The following MNT variants were observed in gnomAD, a reference collection of about 807,000 sequenced individuals.
MNT encodes max-binding protein MNT.
A neutral mutation model predicts 40.7 loss-of-function variants in MNT; 13 were observed. That is an observed-to-expected ratio of 0.32 (90% CI 0.21 to 0.51). The LOEUF (loss-of-function observed/expected upper bound fraction) is 0.51. Ranked by LOEUF, MNT falls within the 20% of genes least tolerant of loss-of-function variation. The probability of loss-of-function intolerance (pLI) is 0.98; values close to 1 mark genes in which losing one functional copy is unlikely to be tolerated. For synonymous variants in MNT, 426 were observed against 354.8 expected (o/e 1.20, Z -2.26); for missense variants, 757 against 792.0 (o/e 0.96, Z 0.53).
In MNT at chr17:2,387,901, G is replaced by A. The variant is rs202042731; in HGVS notation, c.956C>T (p.Thr319Met). 2.2e-4 allele frequency: 354 copies of A among 1,605,132 alleles called. No individual in the cohort carries two copies. The highest frequency in any genetic ancestry group is 2.7e-4 in the Non-Finnish European group (315 of 1,179,110). Residue 319 changes from threonine (T) to methionine (M), a missense_variant, in exon 5 of 6, where the codon ACG becomes ATG. By Grantham distance (81) the Thr-to-Met change is moderately conservative. Around this residue, in one of 4 missense-constraint regions of MNT, gnomAD observed 345 missense variants for 380.1 expected, o/e 0.91. Transcript: ENST00000174618. The part of the protein sequence containing the change: ...VLEIDRVLRQ[T>M]GQPEDDQAST... ...GGCCTGGTCATCCTCGGGCTGGCCCGTCTGCCGCAGCACGCGGTCAATCTC... is the reference window on the plus strand; with the variant it reads ...GGCCTGGTCATCCTCGGGCTGGCCCATCTGCCGCAGCACGCGGTCAATCTC...
chr17:2,394,273 G>GCACATACA, intron 3 of MNT, 32 bp downstream of exon 3: 1 of 1,351,278 alleles, frequency 7.4e-7, no homozygotes, highest in South Asian at 1.3e-5. Flanking sequence ...GCGCACGCAC[G>GCACATACA]CACGCACACA....
chr17:2,394,286 C>T lies in MNT; in HGVS notation c.695+19G>A, dbSNP rs1270142809. ...GCGCGCACGCACGCACGCACACACA[C>T]ACACACACACACACACACCTGTTCT... On this transcript the variant is annotated intron_variant, in intron 3 of 5. Transcript: ENST00000174618. 9.3e-6 allele frequency: 15 copies of T among 1,610,988 alleles called. No homozygotes were observed. The highest frequency in any genetic ancestry group is 5.9e-6 in the Non-Finnish European group (7 of 1,178,778).
chr17:2,394,125 G>T lies in MNT; in HGVS notation c.725C>A (p.Thr242Asn). 1 of 1,609,414 alleles carries T rather than the reference G, an allele frequency of 6.2e-7. No individual in the cohort carries two copies. Among genetic ancestry groups the T allele is most frequent in the South Asian group, 1.1e-5 (1 of 90,722 alleles). ...CACGTTGGGGATGTTCCGCTTCAGG[G>T]TCTCAAAGCACTCTTTCAGATGGGC... ...RRAHLKECFE[T>N]LKRNIPNVDD... The change falls in exon 4 of 6, where the codon ACC becomes AAC. Residue 242 changes from threonine to asparagine, a missense_variant. Around this residue, in one of 4 missense-constraint regions of MNT, gnomAD observed 73 missense variants for 100.8 expected, o/e 0.72. Coordinates refer to ENST00000174618, the MANE Select transcript of MNT (RefSeq NM_020310.3).
In MNT at chr17:2,395,111, G is replaced by T. The variant is rs2066565717; in HGVS notation, c.417C>A (p.Ser139Arg). ...LSIKEPAPLP[S>R]RPQVPTPAPL... ...GAGCAGGGGTGGGCACCTGCGGCCT[G>T]CTGGGCAGGGGGGCAGGCTCCTTAA... Residue 139 changes from serine to arginine, a missense_variant, in exon 2 of 6, where the codon AGC becomes AGA. This residue lies in a region of MNT where 335 missense variants were observed against 291.4 expected (regional missense o/e 1.15). Transcript: ENST00000174618. 1 of 1,489,388 alleles carries T rather than the reference G, an allele frequency of 6.7e-7. No individual in the cohort carries two copies. Among genetic ancestry groups the T allele is most frequent in the South Asian group, 1.4e-5 (1 of 72,502 alleles). 92.3% of individuals were successfully genotyped at this position (1,489,388 alleles called of 1,614,324 possible). A position where few individuals can be genotyped will look rare whatever the true frequency, so the allele number is the denominator to read the frequency against.
intron 1 of MNT, among the ~76,000 whole-genome samples, chr17:2,398,608 G>A (rs944632380): frequency 3.3e-5 from 5 of 152,192 alleles, no homozygotes; most frequent in African/African-American, 9.7e-5. Context: ...CTAGCTTTCC[G>A]CACCCACTCA....
In MNT at chr17:2,397,058, A is replaced by AGGGGGAAGCGTCCTGGG. The variant is rs1267363122; in HGVS notation, c.74-1621_74-1605dup. On this transcript the variant is annotated intron_variant, in intron 1 of 5. Coordinates refer to ENST00000174618, the MANE Select transcript of MNT (RefSeq NM_020310.3). ...AGGGAAGAGGCCGAGGAGGAAGCGG[A>AGGGGGAAGCGTCCTGGG]GGGGGAAGCGTCCTGGGAGGGGAAG... Among the ~76,000 whole-genome samples, 8 of 152,170 alleles carry AGGGGGAAGCGTCCTGGG rather than the reference A, an allele frequency of 5.3e-5. No homozygotes were observed. In the East Asian group the frequency reaches 1.6e-3, roughly 30 times the overall value.
intron 1 of MNT, among the ~76,000 whole-genome samples, chr17:2,398,645 A>T (rs906399280): frequency 6.6e-6 from 1 of 152,238 alleles, no homozygotes; most frequent in African/African-American, 2.4e-5. Context: ...ACCGGCACAC[A>T]GAAGTCGTGA....
chr17:2,393,959 AGGGCGGGGCG>A, intron 4 of MNT, 74 bp downstream of exon 4: 1 of 822,742 alleles, frequency 1.2e-6, no homozygotes, highest in Non-Finnish European at 1.7e-6. Flanking sequence ...CCGGGGCGTG[AGGGCGGGGCG>A]GGGCGCGGCC....
rs1246793932 is a variant in MNT, at chr17:2,387,523, G to A, written c.1127C>T (p.Ala376Val). The change falls in exon 6 of 6, where the codon GCG (alanine) becomes GTG (valine). Residue 376 changes from alanine to valine, a missense_variant. By Grantham distance (64) the Ala-to-Val change is moderately conservative (BLOSUM62 0). Coordinates refer to ENST00000174618, the MANE Select transcript of MNT (RefSeq NM_020310.3). The stretch of plus-strand genomic sequence containing the variant: ...AGGGTGTGGGTGTGGAGGCAGAGGC[G>A]CAGGGGTGGTGCTGGGGGGTGGCAG... ...STLPPPSTTP[A>V]PLPPHPHPHP... is the part of the protein sequence containing the mutation. 9.3e-6 allele frequency: 15 copies of A among 1,613,368 alleles called. No individual in the cohort carries two copies. The East Asian group carries it at 1.8e-4, about 19-fold the overall frequency.
chr17:2,388,395 C>G (rs987835861), intron 4 of MNT: 1 of 262,068 alleles, frequency 3.8e-6, no homozygotes, highest in Non-Finnish European at 7.3e-6. Flanking sequence ...ACTTCTGCCG[C>G]GAGCTACCCT....
At position 2,386,558 on chromosome 17, in the gene MNT, A is replaced by C; in HGVS notation, c.*343T>G. Reference sequence around the variant, plus strand: ...CAGCAGCAGCACACGAAGGCGGGGCAGGGCGGGGGAGAAGTCAGGGAGCGT... The same window carrying C: ...CAGCAGCAGCACACGAAGGCGGGGCCGGGCGGGGGAGAAGTCAGGGAGCGT... On this transcript the variant is annotated 3_prime_UTR_variant, in exon 6 of 6. Coordinates refer to ENST00000174618, the MANE Select transcript of MNT (RefSeq NM_020310.3). 1 of 256,936 alleles carries C rather than the reference A, an allele frequency of 3.9e-6. No individual in the cohort carries two copies. Among genetic ancestry groups the C allele is most frequent in the Non-Finnish European group, 7.4e-6 (1 of 134,386 alleles). The allele number at this position is 256,936 out of a possible 1,614,324, so 15.9% of individuals were successfully genotyped here.
At chr17:2,399,008 T>G (rs879594699) in intron 1 of MNT, among the ~76,000 whole-genome samples, 12 of 66,404 alleles carry the variant, frequency 1.8e-4, no homozygotes, top group Admixed American at 2.4e-4. Flanking sequence ...CGCTCCCCCC[T>G]TCCCCCACCC....
chr17:2,387,294 G>A lies in MNT; in HGVS notation c.1356C>T (p.Ile452=). ...CCTGCAGAACGTGGTTCACAGTCTG[G>A]ATGACTGAAGCGTGAGTGGTGGCTG... ...AHTATTHASV[I]QTVNHVLQGP... Residue 452 remains isoleucine, a synonymous_variant, in exon 6 of 6, where the codon ATC becomes ATT. Transcript: ENST00000174618. 1 of 1,613,462 alleles carries A rather than the reference G, an allele frequency of 6.2e-7. No individual in the cohort carries two copies. The highest frequency in any genetic ancestry group is 8.5e-7 in the Non-Finnish European group (1 of 1,179,830).
At position 2,400,859 on chromosome 17, in the gene MNT, C is replaced by T. The variant is rs895515810; in HGVS notation, c.-147G>A. 1.1e-4 allele frequency: 51 copies of T among 453,262 alleles called. No homozygotes were observed. Among genetic ancestry groups the T allele is most frequent in the Non-Finnish European group, 1.6e-4 (43 of 262,408 alleles). 28.1% of individuals were successfully genotyped at this position (453,262 alleles called of 1,614,324 possible). A position where few individuals can be genotyped will look rare whatever the true frequency, so the allele number is the denominator to read the frequency against. On this transcript the variant is annotated 5_prime_UTR_variant, in exon 1 of 6. Transcript: ENST00000174618. ...GCGCAGCGCACTCCGCAGGGAAGAA[C>T]GGGGGAGCACGGGGAGAAAAATCAA...
At chr17:2,399,225 C>G (rs780590593) in intron 1 of MNT, among the ~76,000 whole-genome samples, 2 of 152,092 alleles carry the variant, frequency 1.3e-5, no homozygotes, top group Non-Finnish European at 2.9e-5. Flanking sequence ...CGTTCCAGAG[C>G]CGAGGCCCTG....
At chr17:2,388,139 A>T in intron 4 of MNT, 90 bp from the exon 5 acceptor site, 1 of 1,317,024 alleles carries the variant, frequency 7.6e-7, no homozygotes, top group Admixed American at 2.5e-5. Context: ...CAGCTGGCCC[A>T]CAGAGGCAAG....
chr17:2,387,685 G>T, intron 5 of MNT, 36 bp from the exon 6 acceptor site: 1 of 1,608,860 alleles, frequency 6.2e-7, no homozygotes, highest in Non-Finnish European at 8.5e-7. Flanking sequence ...AGGTCAGAAG[G>T]GCGGGGAAGC....
At chr17:2,397,282 G>A (rs574109117) in intron 1 of MNT, among the ~76,000 whole-genome samples, 19 of 152,316 alleles carry the variant, frequency 1.2e-4, no homozygotes, top group Middle Eastern at 3.4e-3. Context: ...CAAGCAGCCT[G>A]CTGAGTTCCA....
At chr17:2,393,263 A>G (rs2066539556) in intron 4 of MNT, among the ~76,000 whole-genome samples, 1 of 151,088 alleles carries the variant, frequency 6.6e-6, no homozygotes, top group Admixed American at 6.6e-5. Context: ...GCCGGTTTCC[A>G]GGGAAACCGA....
Sources: gnomAD v4.1 joint callset for allele counts (sites outside exome capture counted in the v4.1 genomes callset) on GRCh38, gnomAD v4.1.1 for gene constraint, gnomAD v4.1.1 regional missense constraint, MANE v1.5 for transcripts, NCBI Gene and HGNC (gene_info 2026-07-23, HGNC 2026-07-21) for gene names.